The following NLGN1 variants were observed in gnomAD, a reference collection of about 807,000 sequenced individuals.
NLGN1 encodes neuroligin 1.
NLGN1 carries 12 observed loss-of-function variants against 65.5 expected under a neutral mutation model. That is an observed-to-expected ratio of 0.18 (90% CI 0.12 to 0.30). The LOEUF is 0.30. Among genes scored for constraint, NLGN1 ranks in the 10% least tolerant of loss-of-function variants. The pLI, the probability that NLGN1 is intolerant of heterozygous loss-of-function variation, is 1.00. For synonymous variants in NLGN1, 350 were observed against 359.5 expected (o/e 0.97, Z 0.30); for missense variants, 750 against 1,007.1 (o/e 0.74, Z 3.46).
At chr3:173,906,326 A>G (rs1738376928) in intron 4 of NLGN1, among the ~76,000 whole-genome samples, 2 of 152,134 alleles carry the variant, frequency 1.3e-5, no homozygotes, top group Non-Finnish European at 2.9e-5. Flanking sequence ...ATCTTACTCT[A>G]CTGAAATCTG....
chr3:173,568,212 C>T (rs75146016), intron 2 of NLGN1, among the ~76,000 whole-genome samples: 18 of 132,628 alleles, frequency 1.4e-4, no homozygotes, highest in East Asian at 2.6e-4. Flanking sequence ...CCTTTCCTTT[C>T]CTTTTCCTTT....
chr3:173,594,082 C>A (rs534610121), intron 2 of NLGN1, among the ~76,000 whole-genome samples: 100 of 152,232 alleles, frequency 6.6e-4, no homozygotes, highest in Non-Finnish European at 1.3e-3. Flanking sequence ...CTGCCCCTGG[C>A]CCCTCCAAAT....
chr3:173,714,113 T>G (rs1393904434), intron 3 of NLGN1, among the ~76,000 whole-genome samples: 1 of 152,166 alleles, frequency 6.6e-6, no homozygotes, highest in Admixed American at 6.5e-5. Context: ...TTGGTTGTCA[T>G]GATGGTATAT....
intron 4 of NLGN1, among the ~76,000 whole-genome samples, chr3:174,074,216 A>G (rs1740453688): frequency 6.6e-6 from 1 of 152,142 alleles, no homozygotes; most frequent in Admixed American, 6.6e-5. Context: ...TCTGTCTAAG[A>G]CTGACTCTAT....
chr3:174,201,346 TGAAGGAAGGAAGGAAG>T (rs750062965), intron 4 of NLGN1, among the ~76,000 whole-genome samples: 3 of 27,628 alleles, frequency 1.1e-4, no homozygotes, highest in Admixed American at 9.6e-4. Context: ...GTGGGAGGAA[TGAAGGAAGGAAGGAAG>T]GAAGGAAGGA....
intron 4 of NLGN1, among the ~76,000 whole-genome samples, chr3:174,018,525 G>A (rs762176683): frequency 6.6e-6 from 1 of 152,194 alleles, no homozygotes; most frequent in Admixed American, 6.6e-5. Flanking sequence ...CACAATTTAT[G>A]TTCTTCTGCC....
Position 174,019,261 on chromosome 3 carries a change from T to A in NLGN1, c.646+211429T>A, listed in dbSNP as rs183255390. On this transcript the variant is annotated intron_variant, in intron 4 of 6. Coordinates refer to ENST00000457714, the Ensembl canonical transcript of NLGN1. ...CTTAATCCCTAAATTCATATGTTGA[T>A]GGTATTTGGAGATGGGGCCTTTAAG... is the stretch of plus-strand genomic sequence containing the variant. Among the ~76,000 whole-genome samples the A allele has an allele frequency of 4.7e-4, 72 of 152,252 alleles. 1 individual carries two copies. The highest frequency in any genetic ancestry group is 1.6e-3 in the African/African-American group (67 of 41,554).
chr3:173,955,962 T>C (rs927251927), intron 4 of NLGN1, among the ~76,000 whole-genome samples: 1 of 152,096 alleles, frequency 6.6e-6, no homozygotes, highest in African/African-American at 2.4e-5. Context: ...AAAAAATAAA[T>C]TATAATCTGA....
chr3:173,750,175 C>T (rs1215982839), intron 3 of NLGN1, among the ~76,000 whole-genome samples: 1 of 151,982 alleles, frequency 6.6e-6, no homozygotes, highest in African/African-American at 2.4e-5. Flanking sequence ...TCCTTATCTC[C>T]TTCATATAGG....
chr3:174,027,952 C>T (rs950688904), intron 4 of NLGN1, among the ~76,000 whole-genome samples: 2 of 152,142 alleles, frequency 1.3e-5, no homozygotes, highest in African/African-American at 4.8e-5. Context: ...TTCCCCCATA[C>T]TGTTCTCATG....
At chr3:173,925,680 A>G (rs1742868607) in intron 4 of NLGN1, among the ~76,000 whole-genome samples, 1 of 152,212 alleles carries the variant, frequency 6.6e-6, no homozygotes, top group Non-Finnish European at 1.5e-5. Flanking sequence ...AGGGGAAGAT[A>G]AGATTGGATA....
chr3:174,264,089 C>T (rs1192060326), intron 4 of NLGN1, among the ~76,000 whole-genome samples: 11 of 145,600 alleles, frequency 7.6e-5, no homozygotes, highest in African/African-American at 2.0e-4. Context: ...GAGGGTAACC[C>T]GACCTTTCTC....
intron 4 of NLGN1, among the ~76,000 whole-genome samples, chr3:174,197,986 C>T (rs1003833809): frequency 1.3e-5 from 2 of 151,810 alleles, no homozygotes; most frequent in African/African-American, 4.8e-5. Flanking sequence ...ACACATATAT[C>T]TATATACTCT....
intron 4 of NLGN1, among the ~76,000 whole-genome samples, chr3:174,156,033 GT>G (rs1725375631): frequency 6.6e-6 from 1 of 151,854 alleles, no homozygotes; most frequent in Non-Finnish European, 1.5e-5. Context: ...GTTATTTTAA[GT>G]ACCTAGGCTG....
intron 4 of NLGN1, among the ~76,000 whole-genome samples, chr3:174,223,372 C>T (rs947032925): frequency 2.6e-5 from 4 of 152,182 alleles, no homozygotes; most frequent in Non-Finnish European, 5.9e-5. Flanking sequence ...TGAAAGCAAG[C>T]AAAGTATCAA....
At chr3:173,493,854 T>G (rs1213852420) in intron 2 of NLGN1, among the ~76,000 whole-genome samples, 1 of 151,736 alleles carries the variant, frequency 6.6e-6, no homozygotes, top group Non-Finnish European at 1.5e-5. Context: ...GAGAGAGTAT[T>G]TCTTCAGAAT....
chr3:173,903,946 G>T (rs1737859354), intron 4 of NLGN1, among the ~76,000 whole-genome samples: 1 of 151,896 alleles, frequency 6.6e-6, no homozygotes, highest in Admixed American at 6.6e-5. Flanking sequence ...GACTCAGAAG[G>T]CTCTTCTTTT....
At chr3:173,585,676 C>T (rs901439099) in intron 2 of NLGN1, among the ~76,000 whole-genome samples, 1 of 152,186 alleles carries the variant, frequency 6.6e-6, no homozygotes, top group East Asian at 1.9e-4. Flanking sequence ...CCCAGGAAGA[C>T]GTTGCAGGCT....
At chr3:173,822,264 A>C (rs530483688) in intron 4 of NLGN1, among the ~76,000 whole-genome samples, 1 of 152,246 alleles carries the variant, frequency 6.6e-6, no homozygotes, top group Non-Finnish European at 1.5e-5. Context: ...CATCTACTCC[A>C]TGCATTAGCT....
Sources: gnomAD v4.1 joint callset for allele counts (sites outside exome capture counted in the v4.1 genomes callset) on GRCh38, gnomAD v4.1.1 for gene constraint, MANE v1.5 for transcripts, NCBI Gene and HGNC (gene_info 2026-07-23, HGNC 2026-07-21) for gene names.